The following SRBD1 variants were observed in gnomAD, a reference collection of about 807,000 sequenced individuals.
The protein encoded by SRBD1 is S1 RNA-binding domain-containing protein 1.
A neutral mutation model predicts 115.3 loss-of-function variants in SRBD1; 88 were observed. The ratio of observed to expected loss-of-function variants is 0.76; its 90% CI spans 0.64 to 0.91. SRBD1 has a LOEUF of 0.91. Among genes scored for constraint, SRBD1 ranks in the 40% least tolerant of loss-of-function variants. The pLI is 0.00. For synonymous variants in SRBD1, 509 were observed against 407.7 expected, an observed-to-expected ratio of 1.25 and a Z score of -2.99; for missense variants, 1,385 against 1,177.4, an observed-to-expected ratio of 1.18 and a Z score of -2.58.
intron 9 of SRBD1, among the ~76,000 whole-genome samples, chr2:45,567,310 C>G (rs1057263344): frequency 5.9e-5 from 9 of 152,076 alleles, no homozygotes; most frequent in Non-Finnish European, 1.0e-4. Flanking sequence ...AGAACAATCA[C>G]TTAGAAATAA....
At chr2:45,504,831 C>T (rs1031071172) in intron 14 of SRBD1, among the ~76,000 whole-genome samples, 3 of 152,074 alleles carry the variant, frequency 2.0e-5, no homozygotes, top group Non-Finnish European at 2.9e-5. Context: ...CCAGTGTGTA[C>T]ATATGTATGA....
At chr2:45,521,839 G>A (rs531353102) in intron 14 of SRBD1, among the ~76,000 whole-genome samples, 67 of 152,056 alleles carry the variant, frequency 4.4e-4, no homozygotes, top group African/African-American at 1.4e-3. Context: ...ATGGTGGCAC[G>A]TGCCTCTAGT....
At position 45,573,316 on chromosome 2, in the gene SRBD1, T is replaced by C. The variant is rs375870319; in HGVS notation, c.1196A>G (p.Gln399Arg). 3.7e-6 allele frequency: 6 copies of C among 1,611,596 alleles called. No individual in the cohort carries two copies. The highest frequency in any genetic ancestry group is 2.2e-5 in the East Asian group (1 of 44,704). Residue 399 changes from glutamine to arginine, a missense_variant, in exon 9 of 21, where the codon CAG becomes CGG. Physicochemically the swap from Gln to Arg is conservative, Grantham distance 43 (BLOSUM62 1). Coordinates refer to ENST00000263736, the MANE Select transcript of SRBD1 (RefSeq NM_018079.5). The part of the protein sequence containing the change: ...NLCQKRHVCI[Q>R]SSLAKVSSKK... ...TGAGGATACTTTTGCCAGAGATGACTGGATACAAACATGTCTCTTCTGGCA... is the reference window on the plus strand; with the variant it reads ...TGAGGATACTTTTGCCAGAGATGACCGGATACAAACATGTCTCTTCTGGCA...
chr2:45,515,441 A>T (rs1418399869), intron 14 of SRBD1, among the ~76,000 whole-genome samples: 1 of 152,192 alleles, frequency 6.6e-6, no homozygotes, highest in African/African-American at 2.4e-5. Context: ...TATATTCAGT[A>T]CAGCGTAGAT....
Position 45,579,959 on chromosome 2 carries a change from A to G in SRBD1, c.988T>C (p.Leu330=), listed in dbSNP as rs1238873133. 3.7e-6 allele frequency: 6 copies of G among 1,608,924 alleles called. No homozygotes were observed. The highest frequency in any genetic ancestry group is 1.7e-5 in the Admixed American group (1 of 59,086). Residue 330 remains leucine, a synonymous_variant, in exon 7 of 21, where the codon TTG becomes CTG. Coordinates refer to ENST00000263736, the MANE Select transcript of SRBD1 (RefSeq NM_018079.5). ...KGTKAQRARQ[L]GLEGAARALL... is the part of the protein sequence containing the mutation. ...GCCCTGGCTGCTCCTTCTAAGCCCA[A>G]CTGTCTTGCTCTCTGGGCTTTAGTC...
chr2:45,405,167 G>C (rs545543431), intron 19 of SRBD1, among the ~76,000 whole-genome samples: 131 of 152,172 alleles, frequency 8.6e-4, no homozygotes, highest in African/African-American at 3.1e-3. Context: ...GTGTCTCTTT[G>C]AGAGCAGGGA....
intron 16 of SRBD1, among the ~76,000 whole-genome samples, chr2:45,429,156 T>C (rs1229358207): frequency 6.6e-6 from 1 of 152,162 alleles, no homozygotes; most frequent in Non-Finnish European, 1.5e-5. Context: ...TAGTAATTAA[T>C]AGCCTACCAA....
chr2:45,531,539 T>C (rs1173226962), intron 14 of SRBD1, among the ~76,000 whole-genome samples: 1 of 148,814 alleles, frequency 6.7e-6, no homozygotes, highest in Non-Finnish European at 1.5e-5. Context: ...AAGAAAGTTC[T>C]ACAGTAAAGA....
chr2:45,395,820 T>G (rs1450113438), intron 19 of SRBD1, among the ~76,000 whole-genome samples: 2 of 152,218 alleles, frequency 1.3e-5, no homozygotes, highest in Non-Finnish European at 2.9e-5. Flanking sequence ...TAGTAGCCAT[T>G]CAATAAACAT....
At chr2:45,518,183 T>C (rs572101508) in intron 14 of SRBD1, among the ~76,000 whole-genome samples, 3 of 152,212 alleles carry the variant, frequency 2.0e-5, no homozygotes, top group African/African-American at 7.2e-5. Context: ...CCTGTAAGTA[T>C]TATCATCATC....
chr2:45,610,297 A>C (rs1674405275), intron 1 of SRBD1, among the ~76,000 whole-genome samples: 1 of 152,246 alleles, frequency 6.6e-6, no homozygotes, highest in Admixed American at 6.5e-5. Flanking sequence ...ATTTAAATTC[A>C]AGAAGGCAAA....
At chr2:45,603,688 C>G (rs1208004776) in intron 2 of SRBD1, among the ~76,000 whole-genome samples, 1 of 152,024 alleles carries the variant, frequency 6.6e-6, no homozygotes, top group African/African-American at 2.4e-5. Flanking sequence ...TGCCACCATG[C>G]CTGGCTAATT....
rs1491344919 is a variant in SRBD1, at chr2:45,571,518, A to AAAAAAAAAAAAAAAAAAAAC, written c.1305+1688_1305+1689insGTTTTTTTTTTTTTTTTTTT. The stretch of plus-strand genomic sequence containing the variant: ...AAATACAACATATCCAGACTTTACC[A>AAAAAAAAAAAAAAAAAAAAC]AAAAAAAAAAAAAAAAAAAAAAAAC... On this transcript the variant is annotated intron_variant, in intron 9 of 20. Coordinates refer to ENST00000263736, the MANE Select transcript of SRBD1 (RefSeq NM_018079.5). Among the ~76,000 whole-genome samples the AAAAAAAAAAAAAAAAAAAAC allele has an allele frequency of 1.8e-3, 107 of 59,144 alleles. 6 individuals carry two copies. The highest frequency in any genetic ancestry group is 8.9e-3 in the African/African-American group (101 of 11,396). The allele number at this position is 59,144 out of a possible 152,430, so 38.8% of individuals were successfully genotyped here. A position where few individuals can be genotyped will look rare whatever the true frequency, so the allele number is the denominator to read the frequency against.
chr2:45,408,363 T>C (rs1462989287), intron 19 of SRBD1, among the ~76,000 whole-genome samples: 1 of 152,230 alleles, frequency 6.6e-6, no homozygotes, highest in Non-Finnish European at 1.5e-5. Context: ...GGTTTTACAC[T>C]TGATCTTAGC....
At chr2:45,556,661 C>CGAA (rs1322487596) in intron 10 of SRBD1, among the ~76,000 whole-genome samples, 4 of 151,960 alleles carry the variant, frequency 2.6e-5, no homozygotes, top group Non-Finnish European at 5.9e-5. Flanking sequence ...CAGGTTTTCA[C>CGAA]CACTTTGTGC....
At chr2:45,499,807 G>A (rs112198254) in intron 14 of SRBD1, among the ~76,000 whole-genome samples, 7 of 151,988 alleles carry the variant, frequency 4.6e-5, no homozygotes, top group African/African-American at 9.7e-5. Context: ...TTGACTCCAC[G>A]TGTACAGATC....
intron 14 of SRBD1, among the ~76,000 whole-genome samples, chr2:45,497,878 T>C (rs78217846): frequency 0.081 from 12,323 of 152,020 alleles, 703 homozygotes; most frequent in African/African-American, 0.15. Context: ...CTACTAAAAA[T>C]ACAAAATCAG....
rs763584857 is a variant in SRBD1, at chr2:45,389,609, A to G, written c.2699-10T>C. ...TCAGGTTTATCAAAATCTGTAAGAGAAAAAAAGTAAGTGTAAATAAGGCAT... is the reference window on the plus strand; with the variant it reads ...TCAGGTTTATCAAAATCTGTAAGAGGAAAAAAGTAAGTGTAAATAAGGCAT... On this transcript the variant is annotated splice_polypyrimidine_tract_variant and intron_variant, in intron 20 of 20. Transcript: ENST00000263736. The G allele has an allele frequency of 3.7e-6, 6 of 1,608,078 alleles. No individual in the cohort carries two copies. The highest frequency in any genetic ancestry group is 4.5e-5 in the East Asian group (2 of 44,794).
intron 14 of SRBD1, among the ~76,000 whole-genome samples, chr2:45,531,966 T>C (rs1671627473): frequency 6.6e-6 from 1 of 151,860 alleles, no homozygotes; most frequent in South Asian, 2.1e-4. Context: ...TGACTTTTCT[T>C]TGGCCACCCT....
Sources: allele counts gnomAD v4.1 joint callset (sites outside exome capture counted in the v4.1 genomes callset), GRCh38; gene constraint gnomAD v4.1.1; transcripts MANE v1.5; gene names NCBI Gene and HGNC (gene_info 2026-07-23, HGNC 2026-07-21).